The following FHAD1 variants were observed in gnomAD, a reference collection of about 807,000 sequenced individuals.
FHAD1 encodes forkhead-associated domain-containing protein 1.
A neutral mutation model predicts 191.3 loss-of-function variants in FHAD1; 146 were observed. The observed-to-expected ratio is 0.76, with a 90% confidence interval of 0.67 to 0.88. FHAD1 has a LOEUF of 0.88. Ranked by LOEUF, FHAD1 falls within the 40% of genes least tolerant of loss-of-function variation. The probability of loss-of-function intolerance (pLI) is 0.00; values close to 1 mark genes in which losing one functional copy is unlikely to be tolerated. For missense variants in FHAD1, 1,635 were observed against 1,785.8 expected (o/e 0.92, Z 1.52); for synonymous variants, 616 against 672.3 (o/e 0.92, Z 1.29).
chr1:15,309,591 A>G (rs1671613533), intron 7 of FHAD1, among the ~76,000 whole-genome samples: 1 of 152,218 alleles, frequency 6.6e-6, no homozygotes, highest in Non-Finnish European at 1.5e-5. Context: ...CCTGCGGGCC[A>G]CATATGGCCC....
At chr1:15,402,941 T>C (rs934803203), downstream of FHAD1, 1 of 152,200 alleles carries the variant, frequency 6.6e-6, no homozygotes, top group Non-Finnish European at 1.5e-5. Flanking sequence ...CACTCAACTC[T>C]AGCAGAGCAG....
chr1:15,240,784 C>T (rs1225958677), intron 1 of FHAD1, among the ~76,000 whole-genome samples: 2 of 151,244 alleles, frequency 1.3e-5, no homozygotes, highest in African/African-American at 4.9e-5. Flanking sequence ...TGGTGAAACC[C>T]CTTCTCCACT....
At chr1:15,310,148 A>G (rs768041081) in intron 7 of FHAD1, among the ~76,000 whole-genome samples, 2 of 152,146 alleles carry the variant, frequency 1.3e-5, no homozygotes, top group Non-Finnish European at 2.9e-5. Context: ...GTGGAGAGGG[A>G]ATGAGTCCAG....
In FHAD1 at chr1:15,361,690, C is replaced by G. The variant is rs181848917; in HGVS notation, c.2963-952C>G. 5.2e-4 allele frequency among the ~76,000 whole-genome samples: 79 copies of G among 152,200 alleles called. No homozygotes were observed. In the East Asian group the frequency reaches 0.014, roughly 26 times the overall value. On this transcript the variant is annotated intron_variant, in intron 22 of 33. Coordinates refer to ENST00000688493, the MANE Select transcript of FHAD1 (RefSeq NM_001391957.1). ...GGAGTTCAGTTTCCCAATCCAGAGT[C>G]CAGGTCAGAGGGAGGGTGTCTGAGA...
intron 31 of FHAD1, chr1:15,383,915 G>C (rs2496338): frequency 0.32 from 139,507 of 432,938 alleles, 27,521 homozygotes; most frequent in African/African-American, 0.71. Flanking sequence ...TTCTCCTGCT[G>C]TCTGCAGGGT....
Position 15,301,477 on chromosome 1 carries a change from G to A in FHAD1, c.915+36G>A, listed in dbSNP as rs1013085764. On this transcript the variant is annotated intron_variant, in intron 6 of 33. Coordinates refer to ENST00000688493, the MANE Select transcript of FHAD1 (RefSeq NM_001391957.1). ...CCTGAGAGGTACAGCACAGCTCTCA[G>A]GCCAAGGCCCGGGAGGCCCCAGGAC... 3.2e-6 allele frequency: 5 copies of A among 1,541,882 alleles called. No individual in the cohort carries two copies. In the African/African-American group the frequency reaches 5.5e-5, roughly 17 times the overall value.
rs1460563555 is a variant in FHAD1 at position 15,316,431 on chromosome 1, G to A, written c.1224G>A (p.Arg408=). Residue 408 remains arginine, a synonymous_variant, in exon 9 of 34, where the codon AGG becomes AGA. Coordinates refer to ENST00000688493, the MANE Select transcript of FHAD1 (RefSeq NM_001391957.1). This position sits in a 1 kb window ranked among gnomAD's most constrained non-coding sequence, Gnocchi z 4.3. ...AGGAAGATGCTCACAGGGAGCTCAG[G>A]GAAGCCCAGGAGAAAGAGTTAAAAC... is the stretch of plus-strand genomic sequence containing the variant. ...LKQEDAHREL[R]EAQEKELKLC... The A allele has an allele frequency of 4.5e-6, 7 of 1,551,602 alleles. No individual in the cohort carries two copies. Among genetic ancestry groups the A allele is most frequent in the East Asian group, 4.9e-5 (2 of 40,924 alleles).
intron 18 of FHAD1, among the ~76,000 whole-genome samples, chr1:15,347,651 G>C (rs757147034): frequency 6.6e-6 from 1 of 152,204 alleles, no homozygotes; most frequent in Non-Finnish European, 1.5e-5. Flanking sequence ...GTTTCACCAC[G>C]TTGGCCAGGC....
chr1:15,271,719 A>G (rs1379562217), intron 2 of FHAD1, among the ~76,000 whole-genome samples: 1 of 152,132 alleles, frequency 6.6e-6, no homozygotes, highest in Admixed American at 6.5e-5. Context: ...ATTTAAAAGG[A>G]CGTAAGCATA....
At chr1:15,306,619 C>T (rs991299651) in intron 6 of FHAD1, among the ~76,000 whole-genome samples, 5 of 152,310 alleles carry the variant, frequency 3.3e-5, no homozygotes, top group Non-Finnish European at 7.4e-5. Flanking sequence ...CTATATCCCA[C>T]CCACTCCAAC....
intron 14 of FHAD1, among the ~76,000 whole-genome samples, chr1:15,337,467 G>A (rs1240919944): frequency 1.3e-5 from 2 of 152,154 alleles, no homozygotes; most frequent in African/African-American, 2.4e-5. Flanking sequence ...GGCCCTTAGC[G>A]GAGCTCCCTG....
chr1:15,268,233 A>C (rs558857301), intron 2 of FHAD1, among the ~76,000 whole-genome samples: 2 of 146,144 alleles, frequency 1.4e-5, no homozygotes, highest in East Asian at 4.0e-4. Flanking sequence ...CCTATGAGTG[A>C]GAATATACGG....
Position 15,345,396 on chromosome 1 carries a change from A to G in FHAD1, c.2239-20A>G. 6.5e-7 allele frequency: 1 copy of G among 1,548,616 alleles called. No individual in the cohort carries two copies. The highest frequency in any genetic ancestry group is 8.7e-7 in the Non-Finnish European group (1 of 1,143,702). ...CCTCCCATGGTAACCATGTCTATTG[A>G]ACAATGATCGTTGACTCAGGCTTTG... On this transcript the variant is annotated intron_variant, in intron 17 of 33. Coordinates refer to ENST00000688493, the MANE Select transcript of FHAD1 (RefSeq NM_001391957.1).
At chr1:15,303,747 G>T (rs534551272) in intron 6 of FHAD1, among the ~76,000 whole-genome samples, 1 of 152,100 alleles carries the variant, frequency 6.6e-6, no homozygotes, top group South Asian at 2.1e-4. Flanking sequence ...TACTTGGGAG[G>T]CTGAGGCAGG....
rs1190886702 is a variant in FHAD1, at chr1:15,327,100, A to T, written c.1515A>T (p.Gly505=). The T allele has an allele frequency of 6.4e-7, 1 of 1,551,172 alleles. No homozygotes were observed. Among genetic ancestry groups the T allele is most frequent in the African/African-American group, 1.4e-5 (1 of 72,960 alleles). Residue 505 remains glycine, a synonymous_variant, in exon 12 of 34, where the codon GGA becomes GGT. Coordinates refer to ENST00000688493, the MANE Select transcript of FHAD1 (RefSeq NM_001391957.1). The surrounding 1 kb of genome is among the most constrained non-coding windows in gnomAD (Gnocchi z 5.1). Reference sequence around the variant, plus strand: ...GTCAAGTCATCAAGGCCACCTATGGACGGGCGAAGCCGTTCCGGGACAAGC... The same window carrying T: ...GTCAAGTCATCAAGGCCACCTATGGTCGGGCGAAGCCGTTCCGGGACAAGC... ...FRSQVIKATY[G]RAKPFRDKPV... is the part of the protein sequence containing the mutation.
intron 2 of FHAD1, among the ~76,000 whole-genome samples, chr1:15,253,976 T>C (rs1048869472): frequency 1.2e-4 from 18 of 152,190 alleles, no homozygotes; most frequent in African/African-American, 4.3e-4. Context: ...ATGGAGAACA[T>C]TCCCCCTGCA....
chr1:15,351,800 C>G (rs1378545288), intron 19 of FHAD1, among the ~76,000 whole-genome samples: 2 of 151,498 alleles, frequency 1.3e-5, no homozygotes, highest in Non-Finnish European at 2.9e-5. Context: ...TGAGAAAAAG[C>G]CAGGTCTGCA....
chr1:15,254,521 C>A (rs1325641715), intron 2 of FHAD1, among the ~76,000 whole-genome samples: 1 of 152,034 alleles, frequency 6.6e-6, no homozygotes, highest in Admixed American at 6.5e-5. Flanking sequence ...AGGTGGGTAT[C>A]CACTGATACT....
At chr1:15,259,279 C>T (rs991052246) in intron 2 of FHAD1, among the ~76,000 whole-genome samples, 4 of 152,028 alleles carry the variant, frequency 2.6e-5, no homozygotes, top group African/African-American at 9.7e-5. Flanking sequence ...ATGTATATGC[C>T]GTGTATGTGT....
Sources: gnomAD v4.1 joint callset for allele counts (sites outside exome capture counted in the v4.1 genomes callset) on GRCh38, gnomAD v4.1.1 for gene constraint, Gnocchi (gnomAD v3.1) non-coding constraint, MANE v1.5 for transcripts, NCBI Gene and HGNC (gene_info 2026-07-23, HGNC 2026-07-21) for gene names.